CHD7: variants seen among roughly 807,000 people sequenced by gnomAD.
CHD7 encodes ATP-dependent chromatin remodeler CHD7.
A neutral mutation model predicts 307.3 loss-of-function variants in CHD7; 24 were observed. The observed-to-expected ratio is 0.08, with a 90% confidence interval of 0.06 to 0.11. The LOEUF is 0.11. Among genes scored for constraint, CHD7 ranks in the 10% least tolerant of loss-of-function variants. The pLI, the probability that CHD7 is intolerant of heterozygous loss-of-function variation, is 1.00. For synonymous variants in CHD7, 1,363 were observed against 1,349.9 expected, an observed-to-expected ratio of 1.01 and a Z score of -0.21; for missense variants, 3,106 against 3,727.1, an observed-to-expected ratio of 0.83 and a Z score of 4.34.
At chr8:60,785,689 C>A (rs1381990782) in intron 3 of CHD7, among the ~76,000 whole-genome samples, 1 of 152,122 alleles carries the variant, frequency 6.6e-6, no homozygotes, top group Non-Finnish European at 1.5e-5. Context: ...TGTAAAATTT[C>A]TTAATAGAGA....
chr8:60,726,380 C>T (rs1251490737), intron 1 of CHD7, among the ~76,000 whole-genome samples: 1 of 152,166 alleles, frequency 6.6e-6, no homozygotes, highest in Non-Finnish European at 1.5e-5. Context: ...GGTTAAGTAA[C>T]TGGATCAAGG....
chr8:60,845,775 A>T (rs1339530720), intron 23 of CHD7, among the ~76,000 whole-genome samples: 2 of 152,244 alleles, frequency 1.3e-5, no homozygotes, highest in Admixed American at 1.3e-4. Flanking sequence ...TTATAAGTGA[A>T]CAATTCATTG....
At chr8:60,846,249 T>G (rs1481736000) in intron 23 of CHD7, among the ~76,000 whole-genome samples, 1 of 152,196 alleles carries the variant, frequency 6.6e-6, no homozygotes, top group Non-Finnish European at 1.5e-5. Flanking sequence ...CTGCGTACAG[T>G]GGAGGGAAGA....
chr8:60,694,276 A>G (rs1806346098), intron 1 of CHD7, among the ~76,000 whole-genome samples: 1 of 152,218 alleles, frequency 6.6e-6, no homozygotes, highest in Non-Finnish European at 1.5e-5. Flanking sequence ...GTCTGTTGCT[A>G]CTAACTTGTC....
At chr8:60,692,502 G>A (rs553980567) in intron 1 of CHD7, among the ~76,000 whole-genome samples, 1 of 152,288 alleles carries the variant, frequency 6.6e-6, no homozygotes, top group Non-Finnish European at 1.5e-5. Flanking sequence ...ATTTCCACGG[G>A]CATATAATAC....
chr8:60,721,785 A>G (rs183524085), intron 1 of CHD7, among the ~76,000 whole-genome samples: 1 of 152,304 alleles, frequency 6.6e-6, no homozygotes, highest in Non-Finnish European at 1.5e-5. Flanking sequence ...AAGCGCTGGG[A>G]GACTTGAGGT....
At chr8:60,711,859 G>A (rs1283377707) in intron 1 of CHD7, among the ~76,000 whole-genome samples, 1 of 152,188 alleles carries the variant, frequency 6.6e-6, no homozygotes, top group Non-Finnish European at 1.5e-5. Context: ...ATACATAGTA[G>A]CCAGAACAAA....
intron 1 of CHD7, among the ~76,000 whole-genome samples, chr8:60,696,714 TG>T (rs1261499275): frequency 1.3e-5 from 2 of 152,108 alleles, no homozygotes; most frequent in African/African-American, 4.8e-5. Flanking sequence ...ATACTGTATA[TG>T]GAAGGAAGGA....
At chr8:60,832,012 A>G (rs1804540130) in intron 15 of CHD7, among the ~76,000 whole-genome samples, 2 of 151,420 alleles carry the variant, frequency 1.3e-5, no homozygotes, top group South Asian at 4.2e-4. Context: ...TTTCTTTTTT[A>G]TATATATATA....
chr8:60,690,316 T>C (rs950364722), intron 1 of CHD7, among the ~76,000 whole-genome samples: 1 of 152,226 alleles, frequency 6.6e-6, no homozygotes, highest in African/African-American at 2.4e-5. Context: ...TTGAATAAAC[T>C]GTTGACTAGC....
intron 19 of CHD7, among the ~76,000 whole-genome samples, chr8:60,839,833 T>C (rs146065542): frequency 5.3e-4 from 80 of 152,358 alleles, no homozygotes; most frequent in African/African-American, 1.9e-3. Flanking sequence ...GAAGGTTCTG[T>C]ATTAATATGA....
chr8:60,699,266 A>G (rs867942229), intron 1 of CHD7, among the ~76,000 whole-genome samples: 3 of 152,186 alleles, frequency 2.0e-5, no homozygotes, highest in Non-Finnish European at 4.4e-5. Flanking sequence ...TGGTTTTAAC[A>G]TGGCAGTGTG....
intron 1 of CHD7, among the ~76,000 whole-genome samples, chr8:60,740,540 G>A (rs1305590622): frequency 6.6e-6 from 1 of 152,160 alleles, no homozygotes; most frequent in Non-Finnish European, 1.5e-5. Context: ...CTTGGACAAT[G>A]AAAGCTTTTC....
At position 60,742,557 on chromosome 8, in the gene CHD7, A is replaced by G; in HGVS notation, c.1125A>G (p.Gln375=). 1 of 1,613,938 alleles carries G rather than the reference A, an allele frequency of 6.2e-7. No individual in the cohort carries two copies. The highest frequency in any genetic ancestry group is 8.5e-7 in the Non-Finnish European group (1 of 1,179,878). ...QPIHPSGSLN[Q]MNTQTMHPSQ... ...TCCACCCCAGTGGCTCACTTAACCA[A>G]ATGAACACACAAACTATGCATCCTT... is the stretch of plus-strand genomic sequence containing the variant. The change falls in exon 2 of 38, where the codon CAA becomes CAG. Residue 375 remains glutamine (Q), a synonymous_variant. Coordinates refer to ENST00000423902, the MANE Select transcript of CHD7 (RefSeq NM_017780.4).
chr8:60,779,914 G>A (rs1811126404), intron 2 of CHD7, among the ~76,000 whole-genome samples: 1 of 152,214 alleles, frequency 6.6e-6, no homozygotes, highest in South Asian at 2.1e-4. Context: ...TAGGGCTGGT[G>A]TGAGGATTGA....
chr8:60,708,487 C>G (rs1807120767), intron 1 of CHD7, among the ~76,000 whole-genome samples: 1 of 152,212 alleles, frequency 6.6e-6, no homozygotes, highest in Non-Finnish European at 1.5e-5. Context: ...GCTCACACTT[C>G]TGGACAACCA....
intron 1 of CHD7, among the ~76,000 whole-genome samples, chr8:60,705,120 G>C (rs1261121820): frequency 1.3e-5 from 2 of 152,218 alleles, no homozygotes; most frequent in African/African-American, 2.4e-5. Context: ...GTAAAGGGTA[G>C]TTGATGGTAT....
chr8:60,739,734 G>A (rs1277695103), intron 1 of CHD7, among the ~76,000 whole-genome samples: 1 of 152,194 alleles, frequency 6.6e-6, no homozygotes, highest in Admixed American at 6.5e-5. Flanking sequence ...CCCTTGTTAG[G>A]AATGTGTTAG....
chr8:60,727,947 A>G (rs1172630026), intron 1 of CHD7, among the ~76,000 whole-genome samples: 1 of 151,754 alleles, frequency 6.6e-6, no homozygotes, highest in African/African-American at 2.4e-5. Flanking sequence ...GTCATCCCAG[A>G]CTCTCCATCC....
Sources: allele counts gnomAD v4.1 joint callset (sites outside exome capture counted in the v4.1 genomes callset), GRCh38; gene constraint gnomAD v4.1.1; transcripts MANE v1.5; gene names NCBI Gene and HGNC (gene_info 2026-07-23, HGNC 2026-07-21).